Variants in CNTNAP2 observed in about 807,000 individuals in gnomAD.
CNTNAP2 encodes the protein contactin-associated protein-like 2.
A neutral mutation model predicts 155.2 loss-of-function variants in CNTNAP2; 98 were observed. The observed-to-expected ratio is 0.63, with a 90% CI of 0.54 to 0.75. The LOEUF (loss-of-function observed/expected upper bound fraction) is 0.75. Among genes scored for constraint, CNTNAP2 ranks in the 30% least tolerant of loss-of-function variants. CNTNAP2 has a pLI of 0.00. For missense variants in CNTNAP2, 1,727 were observed against 1,688.1 expected (o/e 1.02, Z -0.40); for synonymous variants, 651 against 631.2 (o/e 1.03, Z -0.47).
chr7:146,478,653 A>G (rs551792863), intron 1 of CNTNAP2, among the ~76,000 whole-genome samples: 144 of 151,854 alleles, frequency 9.5e-4, no homozygotes, highest in African/African-American at 3.4e-3. Context: ...AATCCAGATA[A>G]CCAACCCCTC....
At chr7:147,718,009 A>T (rs1796506741) in intron 13 of CNTNAP2, among the ~76,000 whole-genome samples, 1 of 151,948 alleles carries the variant, frequency 6.6e-6, no homozygotes, top group African/African-American at 2.4e-5. Flanking sequence ...AATTGTACTC[A>T]TGTCCCTTGT....
At chr7:147,392,804 T>A (rs1266638224) in intron 9 of CNTNAP2, among the ~76,000 whole-genome samples, 1 of 152,048 alleles carries the variant, frequency 6.6e-6, no homozygotes, top group Non-Finnish European at 1.5e-5. Context: ...TGCTCATCAA[T>A]CAACGAGTGG....
intron 21 of CNTNAP2, among the ~76,000 whole-genome samples, chr7:148,348,606 G>T (rs1226201525): frequency 6.6e-6 from 1 of 152,214 alleles, no homozygotes; most frequent in Admixed American, 6.5e-5. Context: ...CATAGGTGAT[G>T]AATGCTCTAG....
intron 11 of CNTNAP2, among the ~76,000 whole-genome samples, chr7:147,489,215 T>G (rs1798562637): frequency 6.6e-6 from 1 of 152,148 alleles, no homozygotes; most frequent in African/African-American, 2.4e-5. Flanking sequence ...GACTTTGTTT[T>G]TACGTAAATT....
intron 1 of CNTNAP2, among the ~76,000 whole-genome samples, chr7:146,192,151 G>T (rs1396118423): frequency 1.3e-5 from 2 of 152,056 alleles, no homozygotes; most frequent in Admixed American, 6.6e-5. Flanking sequence ...TTCTGCCATC[G>T]CTTCAGCCGG....
At chr7:147,085,313 C>T (rs1050820083) in intron 4 of CNTNAP2, among the ~76,000 whole-genome samples, 3 of 152,152 alleles carry the variant, frequency 2.0e-5, no homozygotes, top group Non-Finnish European at 4.4e-5. Flanking sequence ...TGTTAGGAAC[C>T]CGGCCACAGC....
intron 14 of CNTNAP2, among the ~76,000 whole-genome samples, chr7:147,946,524 G>A (rs943060471): frequency 6.6e-6 from 1 of 152,152 alleles, no homozygotes; most frequent in Non-Finnish European, 1.5e-5. Flanking sequence ...AACTTTAGCA[G>A]AAGTGGGTCC....
rs10557373 is a variant in CNTNAP2, at chr7:147,365,383, GAAAAAAAAAA to G, written c.1499-30210_1499-30201del. Among the ~76,000 whole-genome samples the G allele has an allele frequency of 1.4e-3, 135 of 93,666 alleles. 1 individual carries two copies. The highest frequency in any genetic ancestry group is 5.7e-3 in the African/African-American group (131 of 23,160). 61.4% of individuals were successfully genotyped at this position (93,666 alleles called of 152,430 possible). A position where few individuals can be genotyped will look rare whatever the true frequency, so the allele number is the denominator to read the frequency against. ...GAGGAGAGACACTCTATCTCAAAAA[GAAAAAAAAAA>G]AAAAAAAAAAAAAAACAAAGAAACT... On this transcript the variant is annotated intron_variant, in intron 9 of 23. Transcript: ENST00000361727.
At chr7:146,337,418 C>A (rs1021165192) in intron 1 of CNTNAP2, among the ~76,000 whole-genome samples, 2 of 151,962 alleles carry the variant, frequency 1.3e-5, no homozygotes, top group Non-Finnish European at 2.9e-5. Flanking sequence ...ACATTCAAAT[C>A]ATGTTTAATT....
chr7:147,094,935 C>T (rs1307052430), intron 4 of CNTNAP2, among the ~76,000 whole-genome samples: 2 of 152,126 alleles, frequency 1.3e-5, no homozygotes, highest in Non-Finnish European at 2.9e-5. Context: ...GATTTGGTAT[C>T]TGATGAGGGT....
chr7:147,520,349 G>A (rs1799210286), intron 11 of CNTNAP2, among the ~76,000 whole-genome samples: 1 of 152,172 alleles, frequency 6.6e-6, no homozygotes, highest in Admixed American at 6.5e-5. Context: ...ATCAAATCAA[G>A]TAGAGCAAGA....
At chr7:146,231,560 A>C (rs1799385757) in intron 1 of CNTNAP2, among the ~76,000 whole-genome samples, 1 of 152,202 alleles carries the variant, frequency 6.6e-6, no homozygotes. Flanking sequence ...TTAAAGCGTA[A>C]TCAGCAGAAA....
At chr7:147,327,369 A>G (rs1371775127) in intron 9 of CNTNAP2, among the ~76,000 whole-genome samples, 1 of 152,116 alleles carries the variant, frequency 6.6e-6, no homozygotes, top group African/African-American at 2.4e-5. Context: ...CTGACTCTAG[A>G]CACTAATCTC....
intron 1 of CNTNAP2, among the ~76,000 whole-genome samples, chr7:146,683,669 C>T (rs913803250): frequency 2.6e-5 from 4 of 152,100 alleles, no homozygotes; most frequent in Admixed American, 2.6e-4. Flanking sequence ...GAGTCACTTA[C>T]CCCATAGGAG....
intron 8 of CNTNAP2, among the ~76,000 whole-genome samples, chr7:147,255,166 T>A (rs1325378901): frequency 6.6e-6 from 1 of 152,176 alleles, no homozygotes; most frequent in Admixed American, 6.5e-5. Context: ...GAACTTTACC[T>A]TTTTGGTTGT....
At chr7:147,962,836 G>A (rs1423554768) in intron 14 of CNTNAP2, among the ~76,000 whole-genome samples, 1 of 152,116 alleles carries the variant, frequency 6.6e-6, no homozygotes, top group Non-Finnish European at 1.5e-5. Flanking sequence ...AACATACAAA[G>A]AGGACATAGA....
rs138138176 is a variant in CNTNAP2, at chr7:146,903,344, C to T, written c.402+63440C>T. On this transcript the variant is annotated intron_variant, in intron 3 of 23. Coordinates refer to ENST00000361727, the MANE Select transcript of CNTNAP2 (RefSeq NM_014141.6). ...AACTCTCTAATTTATAACTCTACCC[C>T]AGATCTGTCTTCTGAGCTCCCAACT... 3.4e-3 allele frequency among the ~76,000 whole-genome samples: 525 copies of T among 152,268 alleles called. 7 individuals carry two copies. The highest frequency in any genetic ancestry group is 0.011 in the African/African-American group (477 of 41,540).
At chr7:146,145,768 C>G (rs145447783) in intron 1 of CNTNAP2, among the ~76,000 whole-genome samples, 1 of 152,106 alleles carries the variant, frequency 6.6e-6, no homozygotes, top group Non-Finnish European at 1.5e-5. Flanking sequence ...ATTTGTACCT[C>G]GCGTCTCTAG....
At chr7:146,260,138 G>A (rs914512973) in intron 1 of CNTNAP2, among the ~76,000 whole-genome samples, 3 of 152,210 alleles carry the variant, frequency 2.0e-5, no homozygotes, top group African/African-American at 7.2e-5. Context: ...ACATGTGTTG[G>A]GCCTGAGGGT....
Sources: allele counts gnomAD v4.1 joint callset (sites outside exome capture counted in the v4.1 genomes callset), GRCh38; gene constraint gnomAD v4.1.1; transcripts MANE v1.5; gene names NCBI Gene and HGNC (gene_info 2026-07-23, HGNC 2026-07-21).